The following LSAMP variants were observed in gnomAD, a reference collection of about 807,000 sequenced individuals.
LSAMP encodes the protein limbic system associated membrane protein.
In LSAMP, 7 loss-of-function variants were observed where a neutral mutation model predicts 38.6. That is an observed-to-expected ratio of 0.18 (90% CI 0.10 to 0.34). LSAMP has a LOEUF of 0.34. LSAMP is among the 10% of genes least tolerant of loss of function. The pLI, the probability that LSAMP is intolerant of heterozygous loss-of-function variation, is 1.00. For synonymous variants in LSAMP, 154 were observed against 166.8 expected (o/e 0.92, Z 0.59); for missense variants, 313 against 420.0 (o/e 0.75, Z 2.23).
At chr3:115,958,232 T>C (rs921285790) in intron 3 of LSAMP, among the ~76,000 whole-genome samples, 3 of 152,202 alleles carry the variant, frequency 2.0e-5, no homozygotes, top group Non-Finnish European at 2.9e-5. Flanking sequence ...TTGAATTTCT[T>C]AATCAAGATT....
chr3:116,164,976 C>A (rs911570137), intron 1 of LSAMP, among the ~76,000 whole-genome samples: 4 of 151,630 alleles, frequency 2.6e-5, no homozygotes, highest in African/African-American at 9.7e-5. Context: ...GAGCCTGACT[C>A]CTCACTTGTT....
intron 1 of LSAMP, among the ~76,000 whole-genome samples, chr3:116,330,438 A>G (rs1298932645): frequency 1.3e-5 from 2 of 152,170 alleles, no homozygotes; most frequent in African/African-American, 4.8e-5. Flanking sequence ...TGATCACAGA[A>G]GCACAGATAA....
chr3:116,241,337 C>G (rs1460212570), intron 1 of LSAMP, among the ~76,000 whole-genome samples: 1 of 152,058 alleles, frequency 6.6e-6, no homozygotes, highest in Non-Finnish European at 1.5e-5. Flanking sequence ...GAGGCTGAGA[C>G]AGGCTGATCG....
chr3:115,855,551 C>T (rs925307599), intron 3 of LSAMP, among the ~76,000 whole-genome samples: 1 of 152,214 alleles, frequency 6.6e-6, no homozygotes. Flanking sequence ...CCTCTGTCTC[C>T]AGCACACAAT....
chr3:116,253,680 A>G (rs2107651031), intron 1 of LSAMP, among the ~76,000 whole-genome samples: 1 of 152,346 alleles, frequency 6.6e-6, no homozygotes. Flanking sequence ...AACATTGTGA[A>G]TCAGCAGTTA....
At chr3:116,255,819 A>T (rs896267730) in intron 1 of LSAMP, among the ~76,000 whole-genome samples, 2 of 152,208 alleles carry the variant, frequency 1.3e-5, no homozygotes, top group South Asian at 4.1e-4. Flanking sequence ...GTATGCTTCC[A>T]GGAAAAACAA....
intron 1 of LSAMP, among the ~76,000 whole-genome samples, chr3:116,400,946 G>T (rs1301321312): frequency 6.6e-6 from 1 of 152,144 alleles, no homozygotes; most frequent in African/African-American, 2.4e-5. Flanking sequence ...CCACAGGATG[G>T]ATCTACTAGC....
intron 1 of LSAMP, among the ~76,000 whole-genome samples, chr3:116,427,367 G>A (rs544915769): frequency 6.6e-6 from 1 of 151,726 alleles, no homozygotes; most frequent in African/African-American, 2.4e-5. Context: ...TGATCCACCC[G>A]CCTCGGCCTC....
rs35263381 is a variant in LSAMP at position 115,854,282 on chromosome 3, A to ATTTT, written c.515-1669_515-1666dup. Reference sequence around the variant, plus strand: ...TATTATTATTATTATTATTATTATTATTTTTTTTTTTTTTTTTTGAGATGG... The same window carrying ATTTT: ...TATTATTATTATTATTATTATTATTATTTTTTTTTTTTTTTTTTTTTTGAGATGG... On this transcript the variant is annotated intron_variant, in intron 3 of 6. Coordinates refer to ENST00000490035, the MANE Select transcript of LSAMP (RefSeq NM_002338.5). Among the ~76,000 whole-genome samples the ATTTT allele has an allele frequency of 1.1e-3, 118 of 107,016 alleles. 1 individual carries two copies. The highest frequency in any genetic ancestry group is 3.3e-3 in the African/African-American group (90 of 27,218). The allele number at this position is 107,016 out of a possible 152,430, so 70.2% of individuals were successfully genotyped here.
chr3:116,241,239 G>T (rs1050022876), intron 1 of LSAMP, among the ~76,000 whole-genome samples: 3 of 149,612 alleles, frequency 2.0e-5, no homozygotes, highest in African/African-American at 7.4e-5. Context: ...TCCTGTCCAA[G>T]GTTTCATGTA....
At chr3:115,966,226 C>T (rs903815704) in intron 3 of LSAMP, among the ~76,000 whole-genome samples, 7 of 152,190 alleles carry the variant, frequency 4.6e-5, no homozygotes, top group Admixed American at 6.5e-5. Context: ...AAACCATTTT[C>T]GATCTTGACA....
chr3:116,390,325 T>C (rs540168248), intron 1 of LSAMP, among the ~76,000 whole-genome samples: 1 of 152,250 alleles, frequency 6.6e-6, no homozygotes, highest in African/African-American at 2.4e-5. Flanking sequence ...AGTTTCATGA[T>C]GAAATGAAAG....
At chr3:116,160,594 C>G (rs759513864) in intron 1 of LSAMP, among the ~76,000 whole-genome samples, 7 of 152,112 alleles carry the variant, frequency 4.6e-5, no homozygotes, top group Non-Finnish European at 1.0e-4. Context: ...ATGAAATAAT[C>G]AGTACAACCA....
chr3:116,419,204 A>G (rs904108683), intron 1 of LSAMP, among the ~76,000 whole-genome samples: 6 of 152,238 alleles, frequency 3.9e-5, no homozygotes, highest in Admixed American at 3.3e-4. Flanking sequence ...TACTGCCTGG[A>G]GTTCCCTACT....
chr3:116,002,259 C>T (rs188907128), intron 3 of LSAMP, among the ~76,000 whole-genome samples: 1 of 152,188 alleles, frequency 6.6e-6, no homozygotes. Flanking sequence ...CTAGAGAGGG[C>T]AGTTGCTTAG....
At chr3:115,946,565 A>C (rs1457833335) in intron 3 of LSAMP, among the ~76,000 whole-genome samples, 3 of 152,228 alleles carry the variant, frequency 2.0e-5, no homozygotes, top group Non-Finnish European at 4.4e-5. Context: ...CTTGAAAAAC[A>C]ATTTACCAAA....
intron 1 of LSAMP, among the ~76,000 whole-genome samples, chr3:116,294,093 A>C (rs1409240746): frequency 6.6e-6 from 1 of 152,106 alleles, no homozygotes; most frequent in South Asian, 2.1e-4. Flanking sequence ...GATGATCATC[A>C]TCACTTTCAA....
chr3:115,852,812 T>C (rs1316309051), intron 3 of LSAMP, among the ~76,000 whole-genome samples, 195 bp from the exon 4 acceptor site: 3 of 152,088 alleles, frequency 2.0e-5, no homozygotes, highest in African/African-American at 4.8e-5. Flanking sequence ...GAAAATACTC[T>C]CAGGAAAAAC....
At chr3:116,108,548 C>T (rs925948066) in intron 1 of LSAMP, among the ~76,000 whole-genome samples, 3 of 152,120 alleles carry the variant, frequency 2.0e-5, no homozygotes, top group African/African-American at 7.2e-5. Context: ...TGATGGTCTA[C>T]GGTGTTTCCG....
Sources: gnomAD v4.1 joint callset for allele counts (sites outside exome capture counted in the v4.1 genomes callset) on GRCh38, gnomAD v4.1.1 for gene constraint, MANE v1.5 for transcripts, NCBI Gene and HGNC (gene_info 2026-07-23, HGNC 2026-07-21) for gene names.